The following DCAF6 variants were observed in gnomAD, a reference collection of about 807,000 sequenced individuals.
DCAF6 encodes DDB1- and CUL4-associated factor 6.
A neutral mutation model predicts 125.1 loss-of-function variants in DCAF6; 54 were observed. That is an observed-to-expected ratio of 0.43 (90% CI 0.35 to 0.54). The LOEUF (loss-of-function observed/expected upper bound fraction) is 0.54, where lower values mean the gene tolerates loss of function less well. DCAF6 is among the 20% of genes least tolerant of loss of function. The pLI is 0.01. For synonymous variants in DCAF6, 371 were observed against 390.4 expected (o/e 0.95, Z 0.58); for missense variants, 934 against 1,161.7 (o/e 0.80, Z 2.85).
At chr1:167,879,415 G>T in the DCAF6 span, among the ~76,000 whole-genome samples, 10,476 of 152,074 alleles carry the variant, frequency 0.069, 406 homozygotes, top group Middle Eastern at 0.11. Flanking sequence ...TCTGAACAAG[G>T]TACTCTTTTT....
chr1:168,009,947 C>T (rs1268702814), intron 10 of DCAF6, among the ~76,000 whole-genome samples: 2 of 149,866 alleles, frequency 1.3e-5, no homozygotes, highest in South Asian at 2.1e-4. Context: ...TCTAAAGATA[C>T]GATTAAAAGT....
At chr1:167,932,806 C>T (rs113571063), upstream of DCAF6, among the ~76,000 whole-genome samples, 6 of 117,588 alleles carry the variant, frequency 5.1e-5, no homozygotes, top group African/African-American at 2.2e-4. Flanking sequence ...AAGACTCTGT[C>T]TCAAAAAAAA....
chr1:167,904,016 C>T, the DCAF6 span: 2 of 1,532,448 alleles, frequency 1.3e-6, no homozygotes, highest in Non-Finnish European at 1.8e-6. Flanking sequence ...CAGCTGGTTT[C>T]CTTGGCTGCT....
intron 12 of DCAF6, among the ~76,000 whole-genome samples, chr1:168,025,796 CAT>C (rs1448899124): frequency 1.3e-5 from 2 of 152,146 alleles, no homozygotes; most frequent in Non-Finnish European, 2.9e-5. Flanking sequence ...TAAATATAAT[CAT>C]GTGATTCATC....
rs764178146 is a variant in DCAF6 at position 168,050,887 on chromosome 1, A to C, written c.2259-5A>C. On this transcript the variant is annotated splice_polypyrimidine_tract_variant and splice_region_variant and intron_variant, in intron 16 of 21. Coordinates refer to ENST00000367840, the MANE Select transcript of DCAF6 (RefSeq NM_001198956.2). Reference sequence around the variant, plus strand: ...TGATTTCAGTTATTGTGTTCCCTTCACTAGATTTAATATCAGAGGAACAAC... The same window carrying C: ...TGATTTCAGTTATTGTGTTCCCTTCCCTAGATTTAATATCAGAGGAACAAC... The C allele has an allele frequency of 7.4e-7, 1 of 1,352,494 alleles. No homozygotes were observed. The highest frequency in any genetic ancestry group is 2.6e-5 in the East Asian group (1 of 38,008). The allele number at this position is 1,352,494 out of a possible 1,614,324, so 83.8% of individuals were successfully genotyped here.
intron 17 of DCAF6, among the ~76,000 whole-genome samples, chr1:168,058,957 C>T (rs1167998450): frequency 6.6e-6 from 1 of 151,836 alleles, no homozygotes; most frequent in African/African-American, 2.4e-5. Context: ...ATTTTTGATA[C>T]TAATCCACTA....
the DCAF6 span, among the ~76,000 whole-genome samples, chr1:167,915,110 T>G: frequency 1.3e-5 from 2 of 152,220 alleles, no homozygotes; most frequent in Non-Finnish European, 2.9e-5. Context: ...GAAAGGAACC[T>G]TAGCTTTGAG....
At chr1:167,876,992 C>G in the DCAF6 span, among the ~76,000 whole-genome samples, 1 of 152,056 alleles carries the variant, frequency 6.6e-6, no homozygotes, top group Non-Finnish European at 1.5e-5. Flanking sequence ...CTGTTGAACC[C>G]CAGGCACGTG....
At chr1:168,039,460 G>A (rs1264440206) in intron 13 of DCAF6, among the ~76,000 whole-genome samples, 1 of 150,776 alleles carries the variant, frequency 6.6e-6, no homozygotes, top group Admixed American at 6.6e-5. Flanking sequence ...TTTGAGAAAA[G>A]CAAGTTATGT....
chr1:167,870,163 A>T, the DCAF6 span: 4 of 1,401,046 alleles, frequency 2.9e-6, no homozygotes, highest in Admixed American at 3.4e-5. Context: ...GGTTATAGAT[A>T]ATTTACATAA....
At chr1:167,888,602 C>A in the DCAF6 span, among the ~76,000 whole-genome samples, 2 of 152,012 alleles carry the variant, frequency 1.3e-5, no homozygotes, top group East Asian at 1.9e-4. Context: ...TTGGGCCGGG[C>A]GCGGTGGCTC....
At chr1:167,958,269 C>T (rs1675064089) in intron 2 of DCAF6, among the ~76,000 whole-genome samples, 1 of 149,316 alleles carries the variant, frequency 6.7e-6, no homozygotes, top group African/African-American at 2.5e-5. Context: ...AGTTTTAGCT[C>T]TTCTGTTTAG....
At chr1:168,053,260 T>C (rs896492432) in intron 17 of DCAF6, among the ~76,000 whole-genome samples, 3 of 152,210 alleles carry the variant, frequency 2.0e-5, no homozygotes, top group African/African-American at 7.2e-5. Flanking sequence ...TATATAAGAA[T>C]GTAAGCACCT....
intron 12 of DCAF6, among the ~76,000 whole-genome samples, chr1:168,036,489 T>C (rs752769673): frequency 6.6e-6 from 1 of 152,188 alleles, no homozygotes; most frequent in Non-Finnish European, 1.5e-5. Context: ...TAGCCCGAAC[T>C]CAGTCTCTCA....
intron 3 of DCAF6, chr1:167,969,286 A>C (rs1397388109): frequency 6.6e-6 from 1 of 152,222 alleles, no homozygotes; most frequent in Non-Finnish European, 1.5e-5. Flanking sequence ...TTAGGCTCAT[A>C]GAATGTAATC....
At chr1:168,043,169 T>A (rs12059225) in intron 14 of DCAF6, 29 bp downstream of exon 14, 2 of 1,524,386 alleles carry the variant, frequency 1.3e-6, no homozygotes, top group South Asian at 2.3e-5. Context: ...TTTGTTGTTA[T>A]AAAATTGCAG....
chr1:167,962,722 G>A (rs1465933363), intron 2 of DCAF6, among the ~76,000 whole-genome samples: 6 of 152,154 alleles, frequency 3.9e-5, no homozygotes, highest in South Asian at 2.1e-4. Flanking sequence ...TTGGGAGGTC[G>A]AGGTGGGCGA....
At chr1:167,907,944 C>A in the DCAF6 span, among the ~76,000 whole-genome samples, 1 of 151,960 alleles carries the variant, frequency 6.6e-6, no homozygotes, top group African/African-American at 2.4e-5. Flanking sequence ...TCCATGGGCA[C>A]GATAGAAGAC....
chr1:167,969,661 T>C (rs1676999535), intron 3 of DCAF6, among the ~76,000 whole-genome samples: 2 of 152,228 alleles, frequency 1.3e-5, no homozygotes, highest in Admixed American at 1.3e-4. Context: ...TAATGGGTCG[T>C]AGTTTTATTT....
Sources: allele counts gnomAD v4.1 joint callset (sites outside exome capture counted in the v4.1 genomes callset), GRCh38; gene constraint gnomAD v4.1.1; transcripts MANE v1.5; gene names NCBI Gene and HGNC (gene_info 2026-07-23, HGNC 2026-07-21).